UVRAG: variants seen among roughly 807,000 people sequenced by gnomAD.
UVRAG encodes the protein UV radiation resistance associated.
In UVRAG, 19 loss-of-function variants were observed where a neutral mutation model predicts 78.0. The observed-to-expected ratio is 0.24, with a 90% CI of 0.17 to 0.36. UVRAG has a LOEUF of 0.36. Among genes scored for constraint, UVRAG ranks in the 10% least tolerant of loss-of-function variants. The pLI is 1.00. For synonymous variants in UVRAG, 323 were observed against 324.6 expected (o/e 1.00, Z 0.05); for missense variants, 740 against 853.8 (o/e 0.87, Z 1.66).
At chr11:76,053,781 C>A (rs1950921492) in intron 12 of UVRAG, among the ~76,000 whole-genome samples, 1 of 152,064 alleles carries the variant, frequency 6.6e-6, no homozygotes, top group Admixed American at 6.5e-5. Flanking sequence ...ACCAGCCTGG[C>A]CAACATGGTG....
At chr11:76,103,971 CT>C (rs1475821250) in intron 13 of UVRAG, among the ~76,000 whole-genome samples, 9 of 151,284 alleles carry the variant, frequency 5.9e-5, no homozygotes, top group African/African-American at 2.2e-4. Flanking sequence ...AAAAAAAACA[CT>C]TGAGGGTCTC....
intron 13 of UVRAG, among the ~76,000 whole-genome samples, chr11:76,108,998 C>G (rs1355033152): frequency 6.6e-6 from 1 of 152,046 alleles, no homozygotes; most frequent in Non-Finnish European, 1.5e-5. Context: ...TAATTGAAAC[C>G]AAAATTCCAC....
At chr11:76,096,782 C>T (rs746442360) in intron 13 of UVRAG, among the ~76,000 whole-genome samples, 3 of 152,154 alleles carry the variant, frequency 2.0e-5, no homozygotes, top group Non-Finnish European at 4.4e-5. Context: ...CCCTGAGGCG[C>T]CCCTTCCTTG....
intron 1 of UVRAG, among the ~76,000 whole-genome samples, chr11:75,819,041 A>G (rs1945329196): frequency 6.6e-6 from 1 of 152,246 alleles, no homozygotes; most frequent in Non-Finnish European, 1.5e-5. Flanking sequence ...AATTACCCCT[A>G]GTTGAGAACC....
At position 76,137,346 on chromosome 11, in the gene UVRAG, A is replaced by G. The variant is rs575474176; in HGVS notation, c.1398-3365A>G. 73 of 456,100 alleles carry G rather than the reference A, an allele frequency of 1.6e-4. No individual in the cohort carries two copies. In the Middle Eastern group the frequency reaches 7.8e-3, roughly 49 times the overall value. 28.3% of individuals were successfully genotyped at this position (456,100 alleles called of 1,614,324 possible). On this transcript the variant is annotated intron_variant, in intron 14 of 14. Coordinates refer to ENST00000356136, the MANE Select transcript of UVRAG (RefSeq NM_003369.4). ...ACCTGCGTCCTACAGAACAGACACC[A>G]CTGAACATCCTGTAGTCCCCTTATT...
At chr11:76,067,507 G>A (rs575187409) in intron 13 of UVRAG, among the ~76,000 whole-genome samples, 40 of 151,994 alleles carry the variant, frequency 2.6e-4, no homozygotes, top group Middle Eastern at 3.4e-3. Flanking sequence ...CTGTAATCCC[G>A]GTACTTTGGG....
chr11:75,911,810 T>C, intron 5 of UVRAG, 144 bp from the exon 6 acceptor site: 1 of 562,502 alleles, frequency 1.8e-6, no homozygotes, highest in South Asian at 2.4e-5. Flanking sequence ...ACATGGCAGA[T>C]ATACTTTACT....
intron 7 of UVRAG, among the ~76,000 whole-genome samples, chr11:75,968,111 T>G (rs1949059521): frequency 6.6e-6 from 1 of 152,212 alleles, no homozygotes; most frequent in Non-Finnish European, 1.5e-5. Flanking sequence ...AGTTTCAGAT[T>G]TTGTAGCATT....
chr11:76,018,910 A>G (rs1950194204), intron 12 of UVRAG, among the ~76,000 whole-genome samples: 1 of 152,040 alleles, frequency 6.6e-6, no homozygotes, highest in African/African-American at 2.4e-5. Flanking sequence ...GTTCTCTGTT[A>G]TTATTCCTTT....
chr11:75,917,771 T>G (rs951824797), intron 6 of UVRAG, among the ~76,000 whole-genome samples: 2 of 152,224 alleles, frequency 1.3e-5, no homozygotes, highest in Non-Finnish European at 2.9e-5. Flanking sequence ...TCATTTTTGG[T>G]TTCTCTAATT....
In UVRAG at chr11:76,090,337, C is replaced by T. The variant is rs117817997; in HGVS notation, c.1305+24549C>T. ...CTGTATACATATTAGCCTACTACGC[C>T]TGCTTGTGCTTCCCCTTCATGAATA... On this transcript the variant is annotated intron_variant, in intron 13 of 14. Transcript: ENST00000356136. Among the ~76,000 whole-genome samples the T allele has an allele frequency of 9.4e-3, 1,433 of 152,260 alleles. 11 individuals are homozygous for T. Among genetic ancestry groups the T allele is most frequent in the Non-Finnish European group, 0.017 (1,150 of 68,010 alleles).
chr11:76,078,921 T>A (rs1951449933), intron 13 of UVRAG, among the ~76,000 whole-genome samples: 1 of 151,798 alleles, frequency 6.6e-6, no homozygotes, highest in African/African-American at 2.4e-5. Flanking sequence ...AGAGCAAGAC[T>A]CTGTCTCAGA....
At chr11:76,098,387 G>A (rs375894210) in intron 13 of UVRAG, among the ~76,000 whole-genome samples, 1 of 152,112 alleles carries the variant, frequency 6.6e-6, no homozygotes, top group East Asian at 1.9e-4. Context: ...AGGCTCAGGC[G>A]GGGGTAAGAG....
chr11:76,100,899 G>T (rs568004032), intron 13 of UVRAG, among the ~76,000 whole-genome samples: 17 of 152,230 alleles, frequency 1.1e-4, no homozygotes, highest in African/African-American at 3.9e-4. Context: ...CAAGGATAAT[G>T]ATCTCCAGCT....
intron 1 of UVRAG, among the ~76,000 whole-genome samples, chr11:75,820,065 C>T: frequency 6.6e-6 from 1 of 152,170 alleles, no homozygotes; most frequent in Non-Finnish European, 1.5e-5. Context: ...AGGCCTCAAC[C>T]TCCTGGGATC....
At chr11:75,942,040 A>T (rs1293609620) in intron 6 of UVRAG, 1 of 152,196 alleles carries the variant, frequency 6.6e-6, no homozygotes, top group Non-Finnish European at 1.5e-5. Context: ...CATTTTAAAG[A>T]GATGGGGTGC....
chr11:75,842,007 A>C (rs1287263796), intron 1 of UVRAG, among the ~76,000 whole-genome samples: 1 of 152,160 alleles, frequency 6.6e-6, no homozygotes, highest in Non-Finnish European at 1.5e-5. Context: ...GGTCACTTAC[A>C]TGTCTGGCTG....
At chr11:76,138,087 G>A (rs1952631919) in intron 14 of UVRAG, among the ~76,000 whole-genome samples, 1 of 152,164 alleles carries the variant, frequency 6.6e-6, no homozygotes, top group Non-Finnish European at 1.5e-5. Context: ...ACCTCTCAAA[G>A]CCTTGGAGTC....
intron 11 of UVRAG, among the ~76,000 whole-genome samples, chr11:76,014,277 AT>A (rs1950106677): frequency 6.6e-6 from 1 of 152,216 alleles, no homozygotes; most frequent in Admixed American, 6.5e-5. Context: ...CATTAGATAG[AT>A]AGTTTTGAAA....
Sources: gnomAD v4.1 joint callset for allele counts (sites outside exome capture counted in the v4.1 genomes callset) on GRCh38, gnomAD v4.1.1 for gene constraint, MANE v1.5 for transcripts, NCBI Gene and HGNC (gene_info 2026-07-23, HGNC 2026-07-21) for gene names.